ROCK2: variants seen among roughly 807,000 people sequenced by gnomAD.
ROCK2 encodes the protein Rho associated coiled-coil containing protein kinase 2, also known as rho-associated protein kinase 2.
In ROCK2, 61 loss-of-function variants were observed where a neutral mutation model predicts 195.1. That is an observed-to-expected ratio of 0.31 (90% CI 0.25 to 0.39). The LOEUF is 0.39. Among genes scored for constraint, ROCK2 ranks in the 10% least tolerant of loss-of-function variants. The probability of loss-of-function intolerance (pLI) is 1.00; values close to 1 mark genes in which losing one functional copy is unlikely to be tolerated. For missense variants in ROCK2, 1,109 were observed against 1,637.4 expected (o/e 0.68, Z 5.57); for synonymous variants, 504 against 545.5 (o/e 0.92, Z 1.06).
At chr2:11,202,142 A>T (rs1558286624) in intron 20 of ROCK2, 21 bp from the exon 21 acceptor site, 1 of 1,592,526 alleles carries the variant, frequency 6.3e-7, no homozygotes, top group South Asian at 1.1e-5. Context: ...AATGAATCAA[A>T]GGTTTAAATA....
chr2:11,311,283 CA>C (rs1313783113), intron 1 of ROCK2, among the ~76,000 whole-genome samples: 1 of 152,066 alleles, frequency 6.6e-6, no homozygotes, highest in Admixed American at 6.6e-5. Flanking sequence ...GGAGAGCCCC[CA>C]AAGCAGTAAA....
At chr2:11,190,929 ATTT>A (rs1244905135) in intron 32 of ROCK2, among the ~76,000 whole-genome samples, 1 of 152,180 alleles carries the variant, frequency 6.6e-6, no homozygotes, top group Non-Finnish European at 1.5e-5. Flanking sequence ...ATAATCATTA[ATTT>A]TGTTTAGTTT....
intron 1 of ROCK2, among the ~76,000 whole-genome samples, chr2:11,311,777 A>G (rs532171714): frequency 2.6e-5 from 4 of 152,360 alleles, no homozygotes; most frequent in Non-Finnish European, 4.4e-5. Context: ...GCACACACAC[A>G]CACACACACC....
chr2:11,334,639 G>T (rs957356166), intron 1 of ROCK2, among the ~76,000 whole-genome samples: 10 of 138,766 alleles, frequency 7.2e-5, no homozygotes, highest in African/African-American at 2.5e-4. Flanking sequence ...CAAAAGCCAA[G>T]AAGCATATAT....
At chr2:11,297,067 A>G (rs72789506) in intron 1 of ROCK2, among the ~76,000 whole-genome samples, 6,683 of 152,216 alleles carry the variant, frequency 0.044, 278 homozygotes, top group Non-Finnish European at 0.06. Flanking sequence ...AACTCAAAGC[A>G]ACCTAAAAAT....
chr2:11,183,793 G>C (rs897587834), intron 32 of ROCK2, among the ~76,000 whole-genome samples: 13 of 152,180 alleles, frequency 8.5e-5, no homozygotes, highest in Non-Finnish European at 1.3e-4. Flanking sequence ...TCATGTAGCT[G>C]AAAGGGAAAT....
intron 2 of ROCK2, among the ~76,000 whole-genome samples, chr2:11,287,392 T>C (rs1558361607): frequency 6.6e-6 from 1 of 152,186 alleles, no homozygotes; most frequent in Non-Finnish European, 1.5e-5. Flanking sequence ...TTCAAACTGC[T>C]ATAAATAACC....
intron 20 of ROCK2, among the ~76,000 whole-genome samples, 187 bp from the exon 21 acceptor site, chr2:11,202,308 C>A (rs1291171551): frequency 6.6e-6 from 1 of 152,012 alleles, no homozygotes; most frequent in Non-Finnish European, 1.5e-5. Flanking sequence ...TCGTTATATA[C>A]CGTATGTACT....
chr2:11,234,422 A>AT, intron 5 of ROCK2: 1 of 152,304 alleles, frequency 6.6e-6, no homozygotes, highest in South Asian at 2.1e-4. Context: ...TATAGCAGAC[A>AT]TAAGTTTAGC....
chr2:11,333,847 T>C (rs1668841562), intron 1 of ROCK2, among the ~76,000 whole-genome samples: 1 of 152,184 alleles, frequency 6.6e-6, no homozygotes, highest in African/African-American at 2.4e-5. Flanking sequence ...GTAAATGTGT[T>C]TAACCAGAAA....
At chr2:11,262,632 C>CTA (rs1666270815) in intron 3 of ROCK2, among the ~76,000 whole-genome samples, 1 of 152,168 alleles carries the variant, frequency 6.6e-6, no homozygotes, top group Admixed American at 6.5e-5. Flanking sequence ...CTGCTGCCAT[C>CTA]CATGTAAGAT....
At chr2:11,188,279 T>C (rs1412983120) in intron 32 of ROCK2, among the ~76,000 whole-genome samples, 2 of 151,778 alleles carry the variant, frequency 1.3e-5, no homozygotes, top group Non-Finnish European at 2.9e-5. Flanking sequence ...CTGGCTAATT[T>C]TTGTATTTTT....
chr2:11,264,548 T>C (rs923761447), intron 3 of ROCK2, among the ~76,000 whole-genome samples: 7 of 152,174 alleles, frequency 4.6e-5, no homozygotes, highest in African/African-American at 1.7e-4. Context: ...TCACACATTT[T>C]AGAGATCTAT....
chr2:11,294,241 T>C lies in ROCK2; in HGVS notation c.142-6505A>G, dbSNP rs559353457. ...AAGGAAAGAGCAAAAAATCACATTATTGATTTGATCAAGGTTTTAGAAGAA... is the reference window on the plus strand; with the variant it reads ...AAGGAAAGAGCAAAAAATCACATTACTGATTTGATCAAGGTTTTAGAAGAA... On this transcript the variant is annotated intron_variant, in intron 1 of 32. Transcript: ENST00000315872. Among the ~76,000 whole-genome samples, 67 of 152,278 alleles carry C rather than the reference T, an allele frequency of 4.4e-4. No homozygotes were observed. In the East Asian group the frequency reaches 0.013, roughly 29 times the overall value.
chr2:11,245,704 T>TGCAG (rs1665588937), intron 4 of ROCK2, among the ~76,000 whole-genome samples: 1 of 152,144 alleles, frequency 6.6e-6, no homozygotes, highest in African/African-American at 2.4e-5. Context: ...TACATCACAT[T>TGCAG]GCAAGCAAGC....
intron 9 of ROCK2, among the ~76,000 whole-genome samples, chr2:11,220,214 C>T (rs1490457807): frequency 6.6e-6 from 1 of 152,094 alleles, no homozygotes; most frequent in East Asian, 1.9e-4. Context: ...GACGGGGTTT[C>T]TCTATGTCGG....
At chr2:11,237,697 A>G (rs1384536759) in intron 4 of ROCK2, among the ~76,000 whole-genome samples, 1 of 152,262 alleles carries the variant, frequency 6.6e-6, no homozygotes, top group Non-Finnish European at 1.5e-5. Context: ...AATATGGCAG[A>G]CAAGAAAACA....
chr2:11,198,663 T>C lies in ROCK2; in HGVS notation c.3004+18A>G, dbSNP rs1402668660. On this transcript the variant is annotated intron_variant, in intron 24 of 32. Transcript: ENST00000315872. ...ACATTAGGTATATTAAAAATAAACA[T>C]TTTTTGTTAATACATACGCTCTTGA... is the stretch of plus-strand genomic sequence containing the variant. 2 of 1,581,060 alleles carry C rather than the reference T, an allele frequency of 1.3e-6. No individual in the cohort carries two copies. Among genetic ancestry groups the C allele is most frequent in the African/African-American group, 1.4e-5 (1 of 73,670 alleles).
intron 1 of ROCK2, among the ~76,000 whole-genome samples, chr2:11,326,446 G>C (rs1181571401): frequency 5.3e-5 from 8 of 152,186 alleles, no homozygotes; most frequent in Non-Finnish European, 1.2e-4. Context: ...AGTGAATGAT[G>C]AGAGAAGACA....
Sources: allele counts gnomAD v4.1 joint callset (sites outside exome capture counted in the v4.1 genomes callset), GRCh38; gene constraint gnomAD v4.1.1; transcripts MANE v1.5; gene names NCBI Gene and HGNC (gene_info 2026-07-23, HGNC 2026-07-21).